HIPK3: variants seen among roughly 807,000 people sequenced by gnomAD.
The protein encoded by HIPK3 is homeodomain-interacting protein kinase 3.
A neutral mutation model predicts 124.2 loss-of-function variants in HIPK3; 47 were observed. That is an observed-to-expected ratio of 0.38 (90% CI 0.30 to 0.48). The LOEUF is 0.48. Among genes scored for constraint, HIPK3 ranks in the 20% least tolerant of loss-of-function variants. HIPK3 has a pLI of 0.98. For missense variants in HIPK3, 1,286 were observed against 1,454.3 expected, an observed-to-expected ratio of 0.88 and a Z score of 1.88; for synonymous variants, 482 against 515.2, an observed-to-expected ratio of 0.94 and a Z score of 0.87.
At chr11:33,272,666 T>C (rs1447337590) in intron 1 of HIPK3, among the ~76,000 whole-genome samples, 1 of 151,972 alleles carries the variant, frequency 6.6e-6, no homozygotes, top group East Asian at 1.9e-4. Context: ...CTTTTCCTTT[T>C]TCCTTTATTC....
chr11:33,355,844 T>A lies in HIPK3; in HGVS notation c.*2276T>A, dbSNP rs1056396555. ...TTATACAAATAGAAATATATATATA[T>A]AAAAAATTAAATGTTTAAAAAGGAG... is the stretch of plus-strand genomic sequence containing the variant. On this transcript the variant is annotated 3_prime_UTR_variant, in exon 17 of 17. Coordinates refer to ENST00000303296, the MANE Select transcript of HIPK3 (RefSeq NM_005734.5). 11 of 151,688 alleles carry A rather than the reference T, an allele frequency of 7.3e-5. No homozygotes were observed. Among genetic ancestry groups the A allele is most frequent in the African/African-American group, 2.2e-4 (9 of 41,404 alleles). 9.4% of individuals were successfully genotyped at this position (151,688 alleles called of 1,614,324 possible).
intron 7 of HIPK3, 141 bp from the exon 8 acceptor site, chr11:33,341,422 C>T (rs757797763): frequency 1.2e-4 from 113 of 922,284 alleles, no homozygotes; most frequent in South Asian, 2.4e-4. Context: ...ATTTTAATTT[C>T]GGCAGCTTGT....
At chr11:33,314,393 C>T (rs751688175) in intron 2 of HIPK3, among the ~76,000 whole-genome samples, 2 of 152,084 alleles carry the variant, frequency 1.3e-5, no homozygotes, top group Non-Finnish European at 2.9e-5. Context: ...TGGCTCATAC[C>T]TGTAATCCCA....
Position 33,353,481 on chromosome 11 carries a change from C to A in HIPK3, c.3561C>A (p.Phe1187Leu), listed in dbSNP as rs1352388275. ...TIHQTQYKPIFPPHSYIAASP... is the reference protein window; with the variant it reads ...TIHQTQYKPILPPHSYIAASP... ...ATCAGACTCAGTACAAACCAATCTT[C>A]CCACCACATTCTTACATTGCAGCAT... is the stretch of plus-strand genomic sequence containing the variant. Residue 1187 changes from phenylalanine (F) to leucine (L), a missense_variant, in exon 17 of 17, where the codon TTC becomes TTA. Phe to Leu is a conservative substitution (Grantham distance 22, BLOSUM62 0). Coordinates refer to ENST00000303296, the MANE Select transcript of HIPK3 (RefSeq NM_005734.5). 1 of 1,614,126 alleles carries A rather than the reference C, an allele frequency of 6.2e-7. No individual in the cohort carries two copies. The highest frequency in any genetic ancestry group is 1.1e-5 in the South Asian group (1 of 91,082).
chr11:33,290,131 C>T (rs1203352536), intron 2 of HIPK3, among the ~76,000 whole-genome samples: 1 of 152,032 alleles, frequency 6.6e-6, no homozygotes. Flanking sequence ...GTAGATATCT[C>T]TTTGATAGAC....
chr11:33,341,620 A>ATTTGGTTGTGGTG lies in HIPK3; in HGVS notation c.1831_1832insTTTGGTTGTGGTG (p.Thr611IlefsTer12). 6.2e-7 allele frequency: 1 copy of ATTTGGTTGTGGTG among 1,613,856 alleles called. No homozygotes were observed. The highest frequency in any genetic ancestry group is 8.5e-7 in the Non-Finnish European group (1 of 1,179,792). On this transcript the variant is annotated frameshift_variant, in exon 8 of 17. Coordinates refer to ENST00000303296, the MANE Select transcript of HIPK3 (RefSeq NM_005734.5). LOFTEE classifies it high-confidence loss of function. ...CCATGGAATACCTCTGCAGGCAGGA[A>ATTTGGTTGTGGTG]CTGCTCAGTTTGGTTGTGGTGATGC...
chr11:33,290,860 A>G (rs1337096849), intron 2 of HIPK3, among the ~76,000 whole-genome samples: 1 of 152,124 alleles, frequency 6.6e-6, no homozygotes, highest in African/African-American at 2.4e-5. Context: ...TTTATATATA[A>G]ATTTCAGGTA....
At chr11:33,267,428 T>C (rs763925258) in intron 1 of HIPK3, among the ~76,000 whole-genome samples, 1 of 151,616 alleles carries the variant, frequency 6.6e-6, no homozygotes, top group Non-Finnish European at 1.5e-5. Context: ...TACAAGGTAT[T>C]TTTAAGAATG....
intron 1 of HIPK3, among the ~76,000 whole-genome samples, chr11:33,261,594 A>G (rs906307997): frequency 1.3e-5 from 2 of 152,138 alleles, no homozygotes; most frequent in African/African-American, 2.4e-5. Flanking sequence ...TATGTAGCAT[A>G]TTTTTAAAAA....
chr11:33,346,467 G>A (rs758332896), intron 8 of HIPK3, among the ~76,000 whole-genome samples: 1 of 152,164 alleles, frequency 6.6e-6, no homozygotes, highest in Non-Finnish European at 1.5e-5. Context: ...CATCCATTAT[G>A]TGAACCATTA....
chr11:33,330,204 T>C (rs1384692553), intron 3 of HIPK3, among the ~76,000 whole-genome samples: 1 of 152,196 alleles, frequency 6.6e-6, no homozygotes, highest in East Asian at 1.9e-4. Context: ...GGAACAGGTA[T>C]TATCTGATCC....
At chr11:33,294,041 C>T (rs1421185373) in intron 2 of HIPK3, among the ~76,000 whole-genome samples, 3 of 151,616 alleles carry the variant, frequency 2.0e-5, no homozygotes, top group Non-Finnish European at 4.4e-5. Context: ...GTGGCAGGCA[C>T]GTGTCAGGAA....
At chr11:33,322,594 G>A (rs1490345571) in intron 2 of HIPK3, among the ~76,000 whole-genome samples, 1 of 152,142 alleles carries the variant, frequency 6.6e-6, no homozygotes, top group Non-Finnish European at 1.5e-5. Flanking sequence ...AGGAGGCCGA[G>A]GCAGGCAAAT....
intron 2 of HIPK3, among the ~76,000 whole-genome samples, chr11:33,328,273 A>G (rs988603908): frequency 5.9e-5 from 9 of 152,224 alleles, no homozygotes; most frequent in Middle Eastern, 3.2e-3. Flanking sequence ...TAGTAAAACT[A>G]TAAGGGAAAA....
chr11:33,343,253 G>A (rs1003753321), intron 8 of HIPK3, among the ~76,000 whole-genome samples: 2 of 124,790 alleles, frequency 1.6e-5, no homozygotes, highest in East Asian at 4.5e-4. Flanking sequence ...GATTTTGTGT[G>A]TGTGTGTGTG....
At chr11:33,328,765 T>C (rs935341108) in intron 3 of HIPK3, 132 bp downstream of exon 3, 1 of 695,524 alleles carries the variant, frequency 1.4e-6, no homozygotes, top group African/African-American at 1.8e-5. Flanking sequence ...ATCTGGGATC[T>C]TGTAGAATTG....
intron 2 of HIPK3, among the ~76,000 whole-genome samples, chr11:33,298,531 A>G (rs1851903497): frequency 1.3e-5 from 2 of 152,264 alleles, no homozygotes; most frequent in African/African-American, 4.8e-5. Context: ...TGCTATAGAT[A>G]GTAATTCCTC....
At chr11:33,338,201 A>G (rs1853215292) in intron 4 of HIPK3, among the ~76,000 whole-genome samples, 2 of 152,228 alleles carry the variant, frequency 1.3e-5, no homozygotes, top group African/African-American at 2.4e-5. Flanking sequence ...AGGAATCAGT[A>G]AATCCTCAAT....
rs1337894938 is a variant in HIPK3 at position 33,353,469 on chromosome 11, C to T, written c.3549C>T (p.Tyr1183=). Residue 1183 remains tyrosine (Y), a synonymous_variant, in exon 17 of 17, where the codon TAC becomes TAT. Coordinates refer to ENST00000303296, the MANE Select transcript of HIPK3 (RefSeq NM_005734.5). ...LPSPTIHQTQ[Y]KPIFPPHSYI... ...CCCCAACCATTCATCAGACTCAGTA[C>T]AAACCAATCTTCCCACCACATTCTT... 1.2e-6 allele frequency: 2 copies of T among 1,614,078 alleles called. No homozygotes were observed. Among genetic ancestry groups the T allele is most frequent in the Non-Finnish European group, 1.7e-6 (2 of 1,179,920 alleles).
Sources: gnomAD v4.1 joint callset for allele counts (sites outside exome capture counted in the v4.1 genomes callset) on GRCh38, gnomAD v4.1.1 for gene constraint, MANE v1.5 for transcripts, NCBI Gene and HGNC (gene_info 2026-07-23, HGNC 2026-07-21) for gene names.